Variants in STK32B observed in about 807,000 individuals in gnomAD.
STK32B encodes serine/threonine-protein kinase 32B.
Under a neutral mutation model 52.6 loss-of-function variants are expected in STK32B, and 43 were observed. That is an observed-to-expected ratio of 0.82 (90% CI 0.64 to 1.05). The LOEUF (loss-of-function observed/expected upper bound fraction) is 1.05, where lower values mean the gene tolerates loss of function less well. Among genes scored for constraint, STK32B ranks in the 50% least tolerant of loss-of-function variants. The pLI is 0.00. For missense variants in STK32B, 621 were observed against 534.6 expected, an observed-to-expected ratio of 1.16 and a Z score of -1.59; for synonymous variants, 238 against 204.3, an observed-to-expected ratio of 1.17 and a Z score of -1.41.
intron 1 of STK32B, among the ~76,000 whole-genome samples, chr4:5,060,529 C>T (rs937416462): frequency 2.0e-5 from 3 of 152,026 alleles, no homozygotes; most frequent in East Asian, 1.9e-4. Flanking sequence ...CTTCTGTACA[C>T]TTTTTGGTTT....
Position 5,469,198 on chromosome 4 carries a change from G to A in STK32B, c.1106+1128G>A, listed in dbSNP as rs1184341839. On this transcript the variant is annotated intron_variant, in intron 11 of 11. Transcript: ENST00000282908. This position sits in a 1 kb window ranked among gnomAD's most constrained non-coding sequence, Gnocchi z 4.7. ...TGGAGGCAAATCAGAGATGCTTCCTGCCCTCCAGGAGATTCAAATATTGAT... is the reference window on the plus strand; with the variant it reads ...TGGAGGCAAATCAGAGATGCTTCCTACCCTCCAGGAGATTCAAATATTGAT... Among the ~76,000 whole-genome samples the A allele has an allele frequency of 6.6e-6, 1 of 152,192 alleles. No homozygotes were observed. Among genetic ancestry groups the A allele is most frequent in the African/African-American group, 2.4e-5 (1 of 41,438 alleles).
chr4:5,033,627 T>C, the STK32B span, among the ~76,000 whole-genome samples: 1 of 152,064 alleles, frequency 6.6e-6, no homozygotes, highest in Non-Finnish European at 1.5e-5. Flanking sequence ...TTTCTGAGAG[T>C]GGGGCTTGCA....
chr4:5,433,613 C>G (rs867943521), intron 6 of STK32B, among the ~76,000 whole-genome samples: 12 of 152,108 alleles, frequency 7.9e-5, no homozygotes, highest in African/African-American at 2.9e-4. Context: ...TTGAAGGCCC[C>G]CTCTAGGCCA....
At chr4:5,296,818 G>A (rs1035122018) in intron 3 of STK32B, among the ~76,000 whole-genome samples, 8 of 152,142 alleles carry the variant, frequency 5.3e-5, no homozygotes, top group African/African-American at 1.9e-4. Flanking sequence ...GATGCTAGCT[G>A]GTTATTTTGC....
chr4:5,098,938 T>C (rs1713550403), intron 1 of STK32B, among the ~76,000 whole-genome samples: 2 of 152,214 alleles, frequency 1.3e-5, no homozygotes, highest in African/African-American at 2.4e-5. Context: ...ATTGCTGCCA[T>C]AACAAACTGC....
At chr4:5,040,028 G>A in the STK32B span, among the ~76,000 whole-genome samples, 109 of 152,274 alleles carry the variant, frequency 7.2e-4, no homozygotes, top group Non-Finnish European at 1.3e-3. Context: ...CTGGAGTGCC[G>A]TCCTCCCCAG....
intron 1 of STK32B, among the ~76,000 whole-genome samples, chr4:5,087,444 C>T (rs967486027): frequency 4.6e-5 from 7 of 151,878 alleles, no homozygotes; most frequent in Admixed American, 3.9e-4. Context: ...TAAATTCTTC[C>T]TTAACAGTAG....
In STK32B at chr4:5,286,749, T is replaced by G. The variant is rs111576345; in HGVS notation, c.261-44471T>G. Among the ~76,000 whole-genome samples, 529 of 152,090 alleles carry G rather than the reference T, an allele frequency of 3.5e-3. 3 individuals carry two copies. Among genetic ancestry groups the G allele is most frequent in the Non-Finnish European group, 5.6e-3 (380 of 67,994 alleles). On this transcript the variant is annotated intron_variant, in intron 3 of 11. Transcript: ENST00000282908. ...CATTGTTGACCTTTACAAATAATTTTGCTATGAACATTTTTGCATATGTAT... is the reference window on the plus strand; with the variant it reads ...CATTGTTGACCTTTACAAATAATTTGGCTATGAACATTTTTGCATATGTAT...
intron 1 of STK32B, among the ~76,000 whole-genome samples, chr4:5,057,290 C>G (rs2108755097): frequency 6.6e-6 from 1 of 152,272 alleles, no homozygotes; most frequent in South Asian, 2.1e-4. Flanking sequence ...CAGTTTTGAC[C>G]TTGAGACTTG....
chr4:5,418,442 T>C (rs538784721), intron 6 of STK32B, among the ~76,000 whole-genome samples: 188 of 152,370 alleles, frequency 1.2e-3, no homozygotes, highest in African/African-American at 4.3e-3. Context: ...GAAAATGTAA[T>C]CAGTGCTGCA....
intron 3 of STK32B, among the ~76,000 whole-genome samples, chr4:5,273,766 C>G (rs1217876319): frequency 7.2e-6 from 1 of 138,728 alleles, no homozygotes; most frequent in Non-Finnish European, 1.5e-5. Flanking sequence ...ACCACATATT[C>G]TCACTCATAG....
chr4:5,352,490 A>G (rs1017884072), intron 4 of STK32B, among the ~76,000 whole-genome samples: 1 of 152,060 alleles, frequency 6.6e-6, no homozygotes, highest in Admixed American at 6.5e-5. Context: ...CTAACATCAT[A>G]CTGAATGGGG....
chr4:5,074,209 T>TGTGTGTGTGTGC (rs397878571), intron 1 of STK32B, among the ~76,000 whole-genome samples: 1,700 of 144,274 alleles, frequency 0.012, 17 homozygotes, highest in Non-Finnish European at 0.018. Flanking sequence ...TGTGTGTGTG[T>TGTGTGTGTGTGC]GCGCGTGCGT....
chr4:5,284,331 A>G (rs547347246), intron 3 of STK32B, among the ~76,000 whole-genome samples: 49 of 152,290 alleles, frequency 3.2e-4, no homozygotes, highest in African/African-American at 1.1e-3. Context: ...AGATTAAGAC[A>G]AAAGTAAACT....
rs186579246 is a variant in STK32B, at chr4:5,343,295, C to G, written c.434+11902C>G. Among the ~76,000 whole-genome samples, 825 of 152,178 alleles carry G rather than the reference C, an allele frequency of 5.4e-3. 4 individuals are homozygous for G. Among genetic ancestry groups the G allele is most frequent in the Middle Eastern group, 0.01 (3 of 294 alleles). ...GACATGACCTCATCATTTTTTATGGCTGCATAGTATTCCATGGTGTATATG... is the reference window on the plus strand; with the variant it reads ...GACATGACCTCATCATTTTTTATGGGTGCATAGTATTCCATGGTGTATATG... On this transcript the variant is annotated intron_variant, in intron 4 of 11. Transcript: ENST00000282908.
chr4:5,057,743 A>AAT lies in STK32B; in HGVS notation c.52+5828_52+5829insAT, dbSNP rs565515433. 1.5e-3 allele frequency among the ~76,000 whole-genome samples: 230 copies of AAT among 152,286 alleles called. 1 individual carries two copies. Among genetic ancestry groups the AAT allele is most frequent in the Non-Finnish European group, 2.5e-3 (172 of 68,020 alleles). ...TAAGCCTAGGCATTTTTCTGGGAGA[A>AAT]CTGGAAAAAACAGATATTCTTAGCA... On this transcript the variant is annotated intron_variant, in intron 1 of 11. Transcript: ENST00000282908.
intron 3 of STK32B, among the ~76,000 whole-genome samples, chr4:5,298,754 C>G (rs888130742): frequency 2.0e-5 from 3 of 152,014 alleles, no homozygotes; most frequent in Admixed American, 6.5e-5. Context: ...CTGAGCAAGA[C>G]CACTTGGCTC....
intron 3 of STK32B, among the ~76,000 whole-genome samples, chr4:5,238,729 A>G (rs562975716): frequency 6.6e-6 from 1 of 152,202 alleles, no homozygotes; most frequent in Non-Finnish European, 1.5e-5. Flanking sequence ...GGTGGGCCGT[A>G]ATAAATTTTT....
chr4:5,073,471 A>T (rs10213338), intron 1 of STK32B, among the ~76,000 whole-genome samples: 7 of 151,692 alleles, frequency 4.6e-5, no homozygotes, highest in Non-Finnish European at 7.4e-5. Context: ...TGTAATATAA[A>T]ACTCATGGTA....
Sources: gnomAD v4.1 joint callset for allele counts (sites outside exome capture counted in the v4.1 genomes callset) on GRCh38, gnomAD v4.1.1 for gene constraint, Gnocchi (gnomAD v3.1) non-coding constraint, MANE v1.5 for transcripts, NCBI Gene and HGNC (gene_info 2026-07-23, HGNC 2026-07-21) for gene names.